Variants in DPP6 observed in about 807,000 individuals in gnomAD.
DPP6 encodes the protein A-type potassium channel modulatory protein DPP6.
Under a neutral mutation model 122.6 loss-of-function variants are expected in DPP6, and 69 were observed. That is an observed-to-expected ratio of 0.56 (90% CI 0.46 to 0.69). The LOEUF (loss-of-function observed/expected upper bound fraction) is 0.69. DPP6 is among the 30% of genes least tolerant of loss of function. DPP6 has a pLI of 0.00. For missense variants in DPP6, 928 were observed against 1,116.9 expected (o/e 0.83, Z 2.41); for synonymous variants, 418 against 433.1 (o/e 0.97, Z 0.43).
chr7:154,320,475 G>GTTGT (rs1807845897), intron 1 of DPP6, among the ~76,000 whole-genome samples: 1 of 81,084 alleles, frequency 1.2e-5, no homozygotes. Flanking sequence ...ATTGTACTTT[G>GTTGT]TTTTTTTTTT....
At chr7:154,682,806 G>A (rs1036367493) in intron 7 of DPP6, among the ~76,000 whole-genome samples, 2 of 152,188 alleles carry the variant, frequency 1.3e-5, no homozygotes, top group African/African-American at 4.8e-5. Flanking sequence ...CACAGCCCAC[G>A]AGGTTTTATT....
chr7:154,836,876 T>C (rs1161137728), intron 16 of DPP6, among the ~76,000 whole-genome samples: 1 of 152,080 alleles, frequency 6.6e-6, no homozygotes, highest in East Asian at 1.9e-4. Flanking sequence ...CCAGCTAATT[T>C]TTGTATTTTT....
chr7:153,868,077 A>G, the DPP6 span, among the ~76,000 whole-genome samples: 2 of 152,100 alleles, frequency 1.3e-5, no homozygotes, highest in Non-Finnish European at 2.9e-5. Flanking sequence ...GGATTTTTGC[A>G]TCAATGTTCA....
At position 154,186,434 on chromosome 7, in the gene DPP6, AAAT is replaced by A. The variant is rs564972101; in HGVS notation, c.243+133372_243+133374del. On this transcript the variant is annotated intron_variant, in intron 1 of 25. Coordinates refer to ENST00000377770, the MANE Select transcript of DPP6 (RefSeq NM_130797.4). ...CCACTGACATCTCCGAATGATCTGA[AAAT>A]GTATTGCATACAACACCTCAAAGTT... is the stretch of plus-strand genomic sequence containing the variant. 3.3e-5 allele frequency among the ~76,000 whole-genome samples: 5 copies of A among 152,396 alleles called. No homozygotes were observed. In the South Asian group the frequency reaches 1.0e-3, roughly 32 times the overall value.
At chr7:154,131,229 A>G (rs1164111958) in intron 1 of DPP6, among the ~76,000 whole-genome samples, 2 of 152,230 alleles carry the variant, frequency 1.3e-5, no homozygotes, top group African/African-American at 2.4e-5. Context: ...TTTAGAAGCT[A>G]TTTTAAGCTG....
At chr7:153,870,738 GTT>G in the DPP6 span, among the ~76,000 whole-genome samples, 1 of 152,170 alleles carries the variant, frequency 6.6e-6, no homozygotes, top group East Asian at 1.9e-4. Context: ...GATTTTTAGA[GTT>G]TCTGGTTTTT....
intron 1 of DPP6, among the ~76,000 whole-genome samples, chr7:153,971,556 C>T (rs77548709): frequency 0.2 from 23,376 of 115,376 alleles, 3,574 homozygotes; most frequent in East Asian, 0.34. Flanking sequence ...TGTTACTTGT[C>T]AGTTTCTCAT....
intron 1 of DPP6, among the ~76,000 whole-genome samples, chr7:154,023,413 C>A (rs1170581099): frequency 1.3e-5 from 2 of 150,832 alleles, no homozygotes; most frequent in Non-Finnish European, 2.9e-5. Context: ...TGCTCTATAA[C>A]AATCAGCATC....
At chr7:153,919,067 T>C (rs1473487831) in intron 1 of DPP6, among the ~76,000 whole-genome samples, 1 of 151,468 alleles carries the variant, frequency 6.6e-6, no homozygotes, top group Non-Finnish European at 1.5e-5. Context: ...TGTCTGTTCC[T>C]CATGCTGTAC....
intron 1 of DPP6, among the ~76,000 whole-genome samples, chr7:154,314,604 A>C (rs1807268122): frequency 6.6e-6 from 1 of 152,232 alleles, no homozygotes. Flanking sequence ...GCAGAGCCCC[A>C]GGGCATGGGG....
chr7:154,675,974 G>A (rs775636836), intron 7 of DPP6, among the ~76,000 whole-genome samples: 6 of 152,202 alleles, frequency 3.9e-5, no homozygotes, highest in South Asian at 2.1e-4. Context: ...GGGTCATTCC[G>A]TACTTGCTTG....
Position 154,060,368 on chromosome 7 carries a change from G to A in DPP6, c.243+7305G>A, listed in dbSNP as rs867849432. Among the ~76,000 whole-genome samples, 245 of 109,080 alleles carry A rather than the reference G, an allele frequency of 2.2e-3. 5 individuals carry two copies. The highest frequency in any genetic ancestry group is 3.4e-3 in the Non-Finnish European group (178 of 52,636). The allele number at this position is 109,080 out of a possible 152,430, so 71.6% of individuals were successfully genotyped here. On this transcript the variant is annotated intron_variant, in intron 1 of 25. Coordinates refer to ENST00000377770, the MANE Select transcript of DPP6 (RefSeq NM_130797.4). ...CCCGCGAGGCAGGGACTGAGAGCCA[G>A]CCCCTGGTTCCCCCACTGGCTCTTA...
intron 5 of DPP6, among the ~76,000 whole-genome samples, chr7:154,590,621 A>G: frequency 7.7e-6 from 1 of 130,682 alleles, no homozygotes; most frequent in South Asian, 2.6e-4. Flanking sequence ...TGAAACCTCC[A>G]CCTCCCAGGT....
chr7:153,952,704 TTCTTA>T (rs1000576054), intron 1 of DPP6, among the ~76,000 whole-genome samples: 2 of 152,252 alleles, frequency 1.3e-5, no homozygotes, highest in African/African-American at 2.4e-5. Flanking sequence ...CTACATTCCA[TTCTTA>T]TCTTATTAAT....
chr7:154,302,610 C>A (rs960621612), intron 1 of DPP6, among the ~76,000 whole-genome samples: 1 of 152,232 alleles, frequency 6.6e-6, no homozygotes, highest in Admixed American at 6.5e-5. Context: ...AATCTGATCC[C>A]AGCAGGACAT....
At chr7:154,553,923 A>AT (rs1829828314) in intron 4 of DPP6, among the ~76,000 whole-genome samples, 2 of 140,402 alleles carry the variant, frequency 1.4e-5, no homozygotes, top group African/African-American at 5.2e-5. Context: ...AAAAAAAAAA[A>AT]AGTGCTGACA....
the DPP6 span, among the ~76,000 whole-genome samples, chr7:153,804,745 G>A: frequency 1.2e-4 from 19 of 152,128 alleles, 1 homozygote; most frequent in South Asian, 1.5e-3. Context: ...TTAGCTGGGC[G>A]TAGTGGTGGG....
At chr7:154,410,472 A>T (rs1249764152) in intron 1 of DPP6, among the ~76,000 whole-genome samples, 6 of 152,226 alleles carry the variant, frequency 3.9e-5, no homozygotes, top group African/African-American at 1.4e-4. Context: ...TATGAGGCAG[A>T]TGAAACATTG....
At chr7:153,817,068 G>A in the DPP6 span, among the ~76,000 whole-genome samples, 72,265 of 141,732 alleles carry the variant, frequency 0.51, 19,691 homozygotes, top group African/African-American at 0.64. Flanking sequence ...TCACCAGGGC[G>A]TGGAAAACCA....
Sources: gnomAD v4.1 joint callset for allele counts (sites outside exome capture counted in the v4.1 genomes callset) on GRCh38, gnomAD v4.1.1 for gene constraint, MANE v1.5 for transcripts, NCBI Gene and HGNC (gene_info 2026-07-23, HGNC 2026-07-21) for gene names.